The following ARHGAP5 variants were observed in gnomAD, a reference collection of about 807,000 sequenced individuals.
ARHGAP5 encodes Rho GTPase activating protein 5.
Under a neutral mutation model 116.6 loss-of-function variants are expected in ARHGAP5, and 23 were observed. The ratio of observed to expected loss-of-function variants is 0.20; its 90% confidence interval spans 0.14 to 0.28. The LOEUF (loss-of-function observed/expected upper bound fraction) is 0.28. ARHGAP5 is among the 10% of genes least tolerant of loss of function. The pLI is 1.00. For missense variants in ARHGAP5, 1,405 were observed against 1,774.8 expected, an observed-to-expected ratio of 0.79 and a Z score of 3.74; for synonymous variants, 574 against 602.0, an observed-to-expected ratio of 0.95 and a Z score of 0.68.
chr14:32,115,660 T>A (rs1879525768), intron 2 of ARHGAP5, among the ~76,000 whole-genome samples: 1 of 93,672 alleles, frequency 1.1e-5, no homozygotes, highest in Non-Finnish European at 2.0e-5. Context: ...CCAGACTCCG[T>A]CTCAAAAAAA....
chr14:32,120,520 G>A (rs553004900), intron 3 of ARHGAP5, among the ~76,000 whole-genome samples: 60 of 151,140 alleles, frequency 4.0e-4, no homozygotes, highest in Non-Finnish European at 7.2e-4. Flanking sequence ...TAATGGTCCA[G>A]ATTTTCCTCT....
chr14:32,119,012 C>T (rs1594369349), intron 3 of ARHGAP5, among the ~76,000 whole-genome samples: 1 of 152,052 alleles, frequency 6.6e-6, no homozygotes, highest in East Asian at 1.9e-4. Flanking sequence ...TAGGTCAACT[C>T]TCAGGCGATT....
chr14:32,118,666 A>G (rs1184396115), intron 3 of ARHGAP5, among the ~76,000 whole-genome samples: 4 of 152,156 alleles, frequency 2.6e-5, no homozygotes, highest in Non-Finnish European at 5.9e-5. Context: ...TATTAGAAAA[A>G]TTTCTTGTCT....
At chr14:32,127,003 T>TG (rs1256172012) in intron 3 of ARHGAP5, among the ~76,000 whole-genome samples, 5 of 150,250 alleles carry the variant, frequency 3.3e-5, no homozygotes, top group Non-Finnish European at 7.4e-5. Context: ...GATATCTTTT[T>TG]TTTTTTTTTT....
intron 3 of ARHGAP5, among the ~76,000 whole-genome samples, chr14:32,134,000 C>T (rs1880652731): frequency 6.6e-6 from 1 of 152,112 alleles, no homozygotes; most frequent in Admixed American, 6.5e-5. Context: ...GATACCAAAG[C>T]CTGGCAGAGA....
intron 1 of ARHGAP5, among the ~76,000 whole-genome samples, chr14:32,088,512 T>A (rs2041853126): frequency 6.6e-6 from 1 of 152,036 alleles, no homozygotes; most frequent in South Asian, 2.1e-4. Context: ...GAATATACTA[T>A]GTTTTCTTCT....
intron 1 of ARHGAP5, among the ~76,000 whole-genome samples, chr14:32,089,918 G>A (rs972546682): frequency 1.3e-5 from 2 of 151,740 alleles, no homozygotes; most frequent in African/African-American, 4.8e-5. Flanking sequence ...TTTCTCTTAA[G>A]TATTTAAATA....
At chr14:32,108,134 G>A (rs1879102171) in intron 2 of ARHGAP5, among the ~76,000 whole-genome samples, 1 of 152,152 alleles carries the variant, frequency 6.6e-6, no homozygotes, top group South Asian at 2.1e-4. Context: ...AGCGGTTTAA[G>A]GGAATGGTAG....
rs528445567 is a variant in ARHGAP5 at position 32,155,467 on chromosome 14, G to A, written c.*519G>A. 3 of 152,996 alleles carry A rather than the reference G, an allele frequency of 2.0e-5. No individual in the cohort carries two copies. In the South Asian group the frequency reaches 6.2e-4, roughly 32 times the overall value. The allele number at this position is 152,996 out of a possible 1,614,324, so 9.5% of individuals were successfully genotyped here. A position where few individuals can be genotyped will look rare whatever the true frequency, so the allele number is the denominator to read the frequency against. ...TGAGGCCATGCTTGGGATGTTGTTT[G>A]AAAGAAAGAAAAAATACACTTGACA... On this transcript the variant is annotated 3_prime_UTR_variant, in exon 7 of 7. Coordinates refer to ENST00000345122, the MANE Select transcript of ARHGAP5 (RefSeq NM_001030055.2).
At chr14:32,083,567 C>T (rs2041799453) in intron 1 of ARHGAP5, among the ~76,000 whole-genome samples, 1 of 152,194 alleles carries the variant, frequency 6.6e-6, no homozygotes, top group South Asian at 2.1e-4. Context: ...GCCTTTATCT[C>T]CTTGGCTATG....
chr14:32,139,500 G>T (rs1033498279), intron 3 of ARHGAP5, among the ~76,000 whole-genome samples: 4 of 151,914 alleles, frequency 2.6e-5, no homozygotes, highest in African/African-American at 9.7e-5. Context: ...GCGTACAATT[G>T]TTCATAGTAT....
At chr14:32,117,694 A>G (rs1396533250) in intron 3 of ARHGAP5, among the ~76,000 whole-genome samples, 1 of 152,200 alleles carries the variant, frequency 6.6e-6, no homozygotes, top group Admixed American at 6.5e-5. Context: ...AACTTACAGC[A>G]ATAGTTGTAA....
intron 1 of ARHGAP5, among the ~76,000 whole-genome samples, 159 bp downstream of exon 1, chr14:32,077,594 G>C (rs954792423): frequency 6.6e-6 from 1 of 152,278 alleles, no homozygotes; most frequent in South Asian, 2.1e-4. Context: ...CGCTGCGCTC[G>C]GTTTTCGCAG....
rs150133288 is a variant in ARHGAP5, at chr14:32,126,480, A to G, written c.3865+9193A>G. On this transcript the variant is annotated intron_variant, in intron 3 of 6. Coordinates refer to ENST00000345122, the MANE Select transcript of ARHGAP5 (RefSeq NM_001030055.2). ...TCTTCTTTTCATAAGGACATCAGTC[A>G]TATTGGGTTAAGGACCTCACCCTAC... Among the ~76,000 whole-genome samples, 167 of 152,302 alleles carry G rather than the reference A, an allele frequency of 1.1e-3. 2 individuals carry two copies. The highest frequency in any genetic ancestry group is 3.6e-3 in the African/African-American group (151 of 41,564).
chr14:32,077,927 G>A (rs973197895), intron 1 of ARHGAP5, among the ~76,000 whole-genome samples: 1 of 152,144 alleles, frequency 6.6e-6, no homozygotes, highest in Non-Finnish European at 1.5e-5. Context: ...CGCCTTGTAG[G>A]GGGGATCGGC....
rs1393235115 is a variant in ARHGAP5 at position 32,092,830 on chromosome 14, T to C, written c.2161T>C (p.Leu721=). 2.5e-6 allele frequency: 4 copies of C among 1,614,068 alleles called. No individual in the cohort carries two copies. The Admixed American group carries it at 5.0e-5, about 20-fold the overall frequency. ...AATTCTCAGGCACCAAGGGCAGCAG[T>C]TGGCAAACAAGTTGCAATGTCCTTT... ...LPILRHQGQQ[L]ANKLQCPFVD... The change falls in exon 2 of 7, where the codon TTG becomes CTG. Residue 721 remains leucine, a synonymous_variant. Coordinates refer to ENST00000345122, the MANE Select transcript of ARHGAP5 (RefSeq NM_001030055.2). This position sits in a 1 kb window ranked among gnomAD's most constrained non-coding sequence, Gnocchi z 4.1.
chr14:32,106,718 A>G (rs1407655714), intron 2 of ARHGAP5, among the ~76,000 whole-genome samples: 1 of 152,142 alleles, frequency 6.6e-6, no homozygotes, highest in Non-Finnish European at 1.5e-5. Flanking sequence ...TCATTCCCAC[A>G]CGTACTCTTA....
Position 32,141,350 on chromosome 14 carries a change from A to T in ARHGAP5, c.3866-4913A>T, listed in dbSNP as rs562775132. Among the ~76,000 whole-genome samples, 3 of 152,296 alleles carry T rather than the reference A, an allele frequency of 2.0e-5. No individual in the cohort carries two copies. The South Asian group carries it at 6.2e-4, about 32-fold the overall frequency. ...TACAATTAACATATTTATAATAGTC[A>T]TGTTTTAATTGAAAGCACCTTAGTT... On this transcript the variant is annotated intron_variant, in intron 3 of 6. Transcript: ENST00000345122.
chr14:32,152,550 T>G, intron 6 of ARHGAP5, 22 bp downstream of exon 6: 1 of 1,413,082 alleles, frequency 7.1e-7, no homozygotes, highest in Non-Finnish European at 9.6e-7. Flanking sequence ...TTTTTAGGGT[T>G]TTTTGGCAAA....
Sources: allele counts gnomAD v4.1 joint callset (sites outside exome capture counted in the v4.1 genomes callset), GRCh38; gene constraint gnomAD v4.1.1; non-coding constraint Gnocchi (gnomAD v3.1); transcripts MANE v1.5; gene names NCBI Gene and HGNC (gene_info 2026-07-23, HGNC 2026-07-21).